SAMD5: variants seen among roughly 807,000 people sequenced by gnomAD.
The protein encoded by SAMD5 is sterile alpha motif domain-containing protein 5.
SAMD5 carries 13 observed loss-of-function variants against 11.3 expected under a neutral mutation model. The observed-to-expected ratio is 1.15, with a 90% CI of 0.75 to 1.83. The LOEUF is 1.83. Among genes scored for constraint, SAMD5 ranks in the 40% most tolerant of loss-of-function variants. The pLI is 0.00. For missense variants in SAMD5, 255 were observed against 239.1 expected, an observed-to-expected ratio of 1.07 and a Z score of -0.44; for synonymous variants, 129 against 111.3, an observed-to-expected ratio of 1.16 and a Z score of -1.00.
At chr6:147,850,010 G>C in the SAMD5 span, among the ~76,000 whole-genome samples, 43 of 152,202 alleles carry the variant, frequency 2.8e-4, no homozygotes, top group African/African-American at 1.0e-3. Context: ...TATGAGTTAA[G>C]AGCAGTCTGA....
At chr6:147,903,425 T>C in the SAMD5 span, among the ~76,000 whole-genome samples, 5 of 152,054 alleles carry the variant, frequency 3.3e-5, no homozygotes, top group Admixed American at 2.6e-4. Flanking sequence ...GAAATGCATG[T>C]TTTTGCTAAA....
intron 1 of SAMD5, among the ~76,000 whole-genome samples, chr6:147,707,392 G>A (rs1791338326): frequency 6.6e-6 from 1 of 152,140 alleles, no homozygotes; most frequent in South Asian, 2.1e-4. Context: ...TGACAGTGAA[G>A]GTGAACAAAA....
the SAMD5 span, among the ~76,000 whole-genome samples, chr6:147,862,077 A>G: frequency 6.6e-6 from 1 of 152,170 alleles, no homozygotes; most frequent in Non-Finnish European, 1.5e-5. Context: ...TTATTTAAAA[A>G]TTGAGCAGAT....
At chr6:147,680,270 T>C (rs1790922971) in intron 1 of SAMD5, among the ~76,000 whole-genome samples, 1 of 152,108 alleles carries the variant, frequency 6.6e-6, no homozygotes, top group Admixed American at 6.5e-5. Flanking sequence ...CAGAATCATC[T>C]CTTGGAATTA....
At chr6:147,726,917 A>G (rs1006311591) in intron 1 of SAMD5, among the ~76,000 whole-genome samples, 3 of 152,076 alleles carry the variant, frequency 2.0e-5, no homozygotes, top group Admixed American at 6.5e-5. Flanking sequence ...ATTTCCTTTC[A>G]CTTAGACTTT....
chr6:147,757,553 A>G, the SAMD5 span, among the ~76,000 whole-genome samples: 1 of 152,328 alleles, frequency 6.6e-6, no homozygotes, highest in East Asian at 1.9e-4. Context: ...AGTCATTTAT[A>G]CATTTGGCAT....
rs34758455 is a variant in SAMD5 at position 147,588,312 on chromosome 6, G to GT, written c.162+78944dup. ...CATTTTTTTTTCCTTTACTTTGTTGGTTTTTTTTTTTTTTTTTTTGAGACG... is the reference window on the plus strand; with the variant it reads ...CATTTTTTTTTCCTTTACTTTGTTGGTTTTTTTTTTTTTTTTTTTTGAGACG... On this transcript the variant is annotated intron_variant, in intron 1 of 1. Coordinates refer to the SAMD5 transcript ENST00000566741. 4.0e-3 allele frequency among the ~76,000 whole-genome samples: 408 copies of GT among 103,114 alleles called. 5 individuals are homozygous for GT. Among genetic ancestry groups the GT allele is most frequent in the Non-Finnish European group, 5.6e-3 (303 of 54,246 alleles). The allele number at this position is 103,114 out of a possible 152,430, so 67.6% of individuals were successfully genotyped here.
intron 1 of SAMD5, among the ~76,000 whole-genome samples, chr6:147,677,145 G>A (rs893525466): frequency 6.6e-6 from 1 of 152,174 alleles, no homozygotes; most frequent in African/African-American, 2.4e-5. Context: ...GCGGTGTGCT[G>A]CGGATAGTCA....
intron 1 of SAMD5, among the ~76,000 whole-genome samples, chr6:147,728,163 C>T (rs1039083120): frequency 6.6e-6 from 1 of 152,186 alleles, no homozygotes; most frequent in Non-Finnish European, 1.5e-5. Context: ...CAGCGGCTCA[C>T]ACCTGTAATC....
At chr6:147,660,958 C>G (rs1325721994) in intron 1 of SAMD5, 1 of 152,258 alleles carries the variant, frequency 6.6e-6, no homozygotes, top group Non-Finnish European at 1.5e-5. Context: ...CAAGACAGAT[C>G]TTGCAAGTTT....
At chr6:147,833,655 T>C in the SAMD5 span, among the ~76,000 whole-genome samples, 1 of 152,246 alleles carries the variant, frequency 6.6e-6, no homozygotes, top group African/African-American at 2.4e-5. Context: ...TTATTAGGCA[T>C]ATAAAATAGT....
In SAMD5 at chr6:147,568,690, G is replaced by A. The variant is rs1789083479; in HGVS notation, c.*4234G>A. ...TGTGCAGAGCAGAGCAAATCTATTA[G>A]GCTTTCTCTTTTAGAGTTTTCTAAT... On this transcript the variant is annotated 3_prime_UTR_variant, in exon 2 of 2. Transcript: ENST00000367474. 1.0e-6 allele frequency: 1 copy of A among 985,180 alleles called. No individual in the cohort carries two copies. Among genetic ancestry groups the A allele is most frequent in the South Asian group, 4.7e-5 (1 of 21,284 alleles). 61.0% of individuals were successfully genotyped at this position (985,180 alleles called of 1,614,324 possible).
the SAMD5 span, among the ~76,000 whole-genome samples, chr6:147,889,946 C>T: frequency 2.1e-4 from 32 of 152,214 alleles, no homozygotes; most frequent in African/African-American, 7.7e-4. Flanking sequence ...TGTCCCTAAA[C>T]TCCAAACTCT....
chr6:147,924,777 T>TATAAATAAATAA, the SAMD5 span, among the ~76,000 whole-genome samples: 3 of 147,194 alleles, frequency 2.0e-5, no homozygotes, highest in East Asian at 2.0e-4. Flanking sequence ...TTAATTTTGT[T>TATAAATAAATAA]ATAAATAAAT....
intron 1 of SAMD5, among the ~76,000 whole-genome samples, chr6:147,599,555 A>G (rs556056234): frequency 1.3e-5 from 2 of 152,312 alleles, no homozygotes; most frequent in East Asian, 3.9e-4. Context: ...TTGACTAGTG[A>G]AATCCTTTGG....
At chr6:147,644,848 T>C (rs1229597860) in intron 1 of SAMD5, among the ~76,000 whole-genome samples, 1 of 152,200 alleles carries the variant, frequency 6.6e-6, no homozygotes, top group Non-Finnish European at 1.5e-5. Flanking sequence ...ATGGGATTCA[T>C]GGAAACCCTT....
chr6:147,790,741 T>A, the SAMD5 span, among the ~76,000 whole-genome samples: 19 of 127,944 alleles, frequency 1.5e-4, no homozygotes, highest in African/African-American at 6.1e-4. Flanking sequence ...GATCTCTCTC[T>A]CTCTCTCTCT....
the SAMD5 span, among the ~76,000 whole-genome samples, chr6:147,809,875 G>T: frequency 7.7e-3 from 1,177 of 152,292 alleles, 18 homozygotes; most frequent in Middle Eastern, 0.041. Context: ...TCCAGACAGT[G>T]CCAAATGTCC....
At chr6:147,550,889 A>T (rs1157679078) in intron 1 of SAMD5, among the ~76,000 whole-genome samples, 3 of 116,574 alleles carry the variant, frequency 2.6e-5, no homozygotes, top group African/African-American at 8.4e-5. Context: ...CTGCACTTAT[A>T]CCTCTTATAT....
Sources: allele counts gnomAD v4.1 joint callset (sites outside exome capture counted in the v4.1 genomes callset), GRCh38; gene constraint gnomAD v4.1.1; transcripts MANE v1.5; gene names NCBI Gene and HGNC (gene_info 2026-07-23, HGNC 2026-07-21).